The following FRA10AC1 variants were observed in gnomAD, a reference collection of about 807,000 sequenced individuals.
FRA10AC1 encodes protein FRA10AC1.
In FRA10AC1, 43 loss-of-function variants were observed where a neutral mutation model predicts 56.5. The ratio of observed to expected loss-of-function variants is 0.76; its 90% confidence interval spans 0.60 to 0.98. The LOEUF is 0.98. FRA10AC1 is among the 50% of genes least tolerant of loss of function. FRA10AC1 has a pLI of 0.00. For missense variants in FRA10AC1, 346 were observed against 351.8 expected (o/e 0.98, Z 0.13); for synonymous variants, 112 against 110.5 (o/e 1.01, Z -0.09).
intron 8 of FRA10AC1, among the ~76,000 whole-genome samples, chr10:93,686,531 A>C (rs926713089): frequency 3.3e-5 from 5 of 151,834 alleles, no homozygotes; most frequent in African/African-American, 1.2e-4. Context: ...AAAAACATAA[A>C]CTAAAATATA....
chr10:93,686,217 T>C (rs1366666382), intron 8 of FRA10AC1, among the ~76,000 whole-genome samples: 1 of 151,870 alleles, frequency 6.6e-6, no homozygotes, highest in African/African-American at 2.4e-5. Flanking sequence ...TAAAAAGACT[T>C]ATTTCTAAAT....
intron 10 of FRA10AC1, among the ~76,000 whole-genome samples, chr10:93,682,698 T>C (rs2058956974): frequency 6.6e-6 from 1 of 152,084 alleles, no homozygotes; most frequent in South Asian, 2.1e-4. Flanking sequence ...TCAGCTATTC[T>C]GGAGGCTGAG....
At chr10:93,691,573 G>C (rs1320796394) in intron 7 of FRA10AC1, among the ~76,000 whole-genome samples, 1 of 152,180 alleles carries the variant, frequency 6.6e-6, no homozygotes, top group Non-Finnish European at 1.5e-5. Context: ...TACTAGAATA[G>C]ACATTTATGT....
rs549058731 is a variant in FRA10AC1, at chr10:93,698,479, C to T, written c.78-83G>A. 1.3e-3 allele frequency: 932 copies of T among 743,100 alleles called. 2 individuals carry two copies. Among genetic ancestry groups the T allele is most frequent in the Non-Finnish European group, 1.7e-3 (794 of 458,774 alleles). 46.0% of individuals were successfully genotyped at this position (743,100 alleles called of 1,614,324 possible). A position where few individuals can be genotyped will look rare whatever the true frequency, so the allele number is the denominator to read the frequency against. On this transcript the variant is annotated intron_variant, in intron 2 of 13. Transcript: ENST00000359204. ...TTTATATTTTCATAACTGGAATATA[C>T]TTTAAAGAATGTAAGTCTTAACTTT...
chr10:93,693,645 CATAT>C (rs1209941579), intron 5 of FRA10AC1, among the ~76,000 whole-genome samples: 2 of 123,982 alleles, frequency 1.6e-5, no homozygotes, highest in African/African-American at 5.7e-5. Flanking sequence ...ATATACACAC[CATAT>C]ATATATACCA....
intron 12 of FRA10AC1, chr10:93,671,364 AG>A (rs1341621085): frequency 6.5e-6 from 1 of 152,742 alleles, no homozygotes; most frequent in Non-Finnish European, 1.5e-5. Context: ...AGCCTGTTTC[AG>A]GGAAGAAACT....
At chr10:93,698,079 A>AC in intron 4 of FRA10AC1, 57 bp downstream of exon 4, 1 of 997,248 alleles carries the variant, frequency 1.0e-6, no homozygotes, top group Non-Finnish European at 1.4e-6. Context: ...TAAAACAAAA[A>AC]AGCAGATTTT....
chr10:93,691,988 A>G (rs756570650), intron 7 of FRA10AC1, 21 bp downstream of exon 7: 1 of 1,562,884 alleles, frequency 6.4e-7, no homozygotes, highest in Admixed American at 2.0e-5. Context: ...ACCTCTTTCC[A>G]TAAATATGTG....
At chr10:93,702,326 G>C (rs1490281142) in intron 1 of FRA10AC1, 49 bp downstream of exon 1, 3 of 152,354 alleles carry the variant, frequency 2.0e-5, no homozygotes, top group Non-Finnish European at 2.9e-5. Flanking sequence ...AACAAGTTTT[G>C]AGGTCCTTCT....
At chr10:93,697,034 C>T (rs968527913) in intron 4 of FRA10AC1, among the ~76,000 whole-genome samples, 6 of 151,882 alleles carry the variant, frequency 4.0e-5, no homozygotes, top group East Asian at 1.9e-4. Context: ...CAATCCTGCA[C>T]GTTCTGCACA....
chr10:93,689,691 A>G (rs2059092973), intron 7 of FRA10AC1, among the ~76,000 whole-genome samples: 1 of 152,188 alleles, frequency 6.6e-6, no homozygotes. Context: ...AACAAAACAA[A>G]TTACATTATA....
chr10:93,670,161 C>T (rs1387883258), intron 13 of FRA10AC1, among the ~76,000 whole-genome samples: 2 of 151,954 alleles, frequency 1.3e-5, no homozygotes, highest in Non-Finnish European at 2.9e-5. Context: ...CTTCTCTTTA[C>T]TTTGTGGGCT....
chr10:93,699,537 TTG>T (rs2059293555), intron 2 of FRA10AC1, among the ~76,000 whole-genome samples: 1 of 152,222 alleles, frequency 6.6e-6, no homozygotes, highest in Admixed American at 6.5e-5. Context: ...CTAAGAGTTT[TTG>T]TCTCTTGCAA....
chr10:93,689,940 G>A (rs915837190), intron 7 of FRA10AC1, among the ~76,000 whole-genome samples: 6 of 152,006 alleles, frequency 3.9e-5, no homozygotes, highest in South Asian at 2.1e-4. Context: ...GGTTTTTTTC[G>A]GGGAGTCTTC....
At chr10:93,696,237 T>C (rs112590271) in intron 4 of FRA10AC1, among the ~76,000 whole-genome samples, 12 of 152,322 alleles carry the variant, frequency 7.9e-5, no homozygotes, top group African/African-American at 2.6e-4. Flanking sequence ...TTTTGTCTCA[T>C]GTATCCTAGA....
At chr10:93,676,984 CAGAT>C (rs372446448) in intron 11 of FRA10AC1, among the ~76,000 whole-genome samples, 127 of 152,268 alleles carry the variant, frequency 8.3e-4, no homozygotes, top group African/African-American at 3.0e-3. Context: ...GAAAACCTCA[CAGAT>C]AATTAGCTGC....
At chr10:93,676,824 T>A in intron 11 of FRA10AC1, 133 bp from the exon 12 acceptor site, 2 of 1,302,310 alleles carry the variant, frequency 1.5e-6, no homozygotes, top group South Asian at 2.0e-5. Flanking sequence ...TGTTTTCTAA[T>A]CTTTCATGTT....
At chr10:93,685,663 C>T (rs1308319829) in intron 8 of FRA10AC1, among the ~76,000 whole-genome samples, 1 of 150,556 alleles carries the variant, frequency 6.6e-6, no homozygotes, top group East Asian at 2.0e-4. Context: ...ACATATTTCT[C>T]AGAAAGTTGG....
Position 93,684,091 on chromosome 10 carries a change from G to A in FRA10AC1, c.633C>T (p.Cys211=). ...AATTTAATTTAATGGAACATTCTTG[G>A]CATAACCCTAAAAAGAAAAGACACC... is the stretch of plus-strand genomic sequence containing the variant. ...KRNALVKLRL[C]QECSIKLNFH... Residue 211 remains cysteine (C), a synonymous_variant, in exon 10 of 14, where the codon TGC becomes TGT. Transcript: ENST00000359204. 2 of 1,605,526 alleles carry A rather than the reference G, an allele frequency of 1.2e-6. No individual in the cohort carries two copies. The highest frequency in any genetic ancestry group is 1.7e-6 in the Non-Finnish European group (2 of 1,173,266).
Sources: allele counts gnomAD v4.1 joint callset (sites outside exome capture counted in the v4.1 genomes callset), GRCh38; gene constraint gnomAD v4.1.1; transcripts MANE v1.5; gene names NCBI Gene and HGNC (gene_info 2026-07-23, HGNC 2026-07-21).